Variants in CAND2 observed in about 807,000 individuals in gnomAD.
CAND2 encodes cullin associated and neddylation dissociated 2 (putative).
CAND2 carries 62 observed loss-of-function variants against 98.9 expected under a neutral mutation model. The observed-to-expected ratio is 0.63, with a 90% CI of 0.51 to 0.77. The LOEUF (loss-of-function observed/expected upper bound fraction) is 0.77, where lower values mean the gene tolerates loss of function less well. Among genes scored for constraint, CAND2 ranks in the 30% least tolerant of loss-of-function variants. The pLI is 0.00. For missense variants in CAND2, 1,501 were observed against 1,655.2 expected (o/e 0.91, Z 1.62); for synonymous variants, 770 against 731.9 (o/e 1.05, Z -0.84).
chr3:12,816,340 C>T (rs771253507), intron 9 of CAND2, 34 bp from the exon 10 acceptor site: 45 of 1,569,808 alleles, frequency 2.9e-5, no homozygotes, highest in African/African-American at 5.4e-5. Context: ...GCATCAGAGG[C>T]GGTGGCCTCA....
chr3:12,820,013 A>G (rs995650125), intron 10 of CAND2, 73 bp from the exon 11 acceptor site: 6 of 1,212,674 alleles, frequency 4.9e-6, no homozygotes, highest in Non-Finnish European at 6.1e-6. Flanking sequence ...GGAGGAGCCT[A>G]AGCACCTTCT....
intron 2 of CAND2, among the ~76,000 whole-genome samples, chr3:12,804,466 AAAAC>A (rs565668830): frequency 2.6e-4 from 39 of 152,264 alleles, no homozygotes; most frequent in South Asian, 1.7e-3. Context: ...TTCCATCTCA[AAAAC>A]AAACAAACAA....
intron 10 of CAND2, among the ~76,000 whole-genome samples, chr3:12,818,770 T>G (rs2124859236): frequency 6.6e-6 from 1 of 152,336 alleles, no homozygotes; most frequent in South Asian, 2.1e-4. Flanking sequence ...GGTAGGTTAG[T>G]GATTTCAGTT....
Position 12,809,921 on chromosome 3 carries a change from C to T in CAND2, c.492-138C>T, listed in dbSNP as rs2061836710. On this transcript the variant is annotated intron_variant, in intron 4 of 14. Transcript: ENST00000456430. ...TTAAAATAATTCCTCCTCACAGTTG[C>T]AGGGCACCTCTTTTGCAAGGGCCAT... 5.5e-6 allele frequency: 5 copies of T among 902,920 alleles called. No homozygotes were observed. In the South Asian group the frequency reaches 6.9e-5, roughly 12 times the overall value. The allele number at this position is 902,920 out of a possible 1,614,324, so 55.9% of individuals were successfully genotyped here.
At chr3:12,830,384 A>C (rs1245093570) in intron 13 of CAND2, among the ~76,000 whole-genome samples, 2 of 152,210 alleles carry the variant, frequency 1.3e-5, no homozygotes, top group Non-Finnish European at 2.9e-5. Flanking sequence ...GGGTGTACTC[A>C]GCTTCCATCA....
chr3:12,817,995 AT>A (rs2061923893), intron 10 of CAND2, 119 bp downstream of exon 10: 1 of 949,494 alleles, frequency 1.1e-6, no homozygotes, highest in Non-Finnish European at 1.5e-6. Context: ...GAATCACGGT[AT>A]CTATACGACA....
At chr3:12,818,190 T>A (rs2124858329) in intron 10 of CAND2, among the ~76,000 whole-genome samples, 1 of 151,830 alleles carries the variant, frequency 6.6e-6, no homozygotes, top group African/African-American at 2.4e-5. Context: ...TTGGGGAGGC[T>A]GAGGTGGGTG....
chr3:12,827,672 C>T lies in CAND2; in HGVS notation c.3375+68C>T, dbSNP rs556719542. The T allele has an allele frequency of 4.9e-6, 7 of 1,439,650 alleles. No homozygotes were observed. In the African/African-American group the frequency reaches 9.9e-5, roughly 20 times the overall value. The allele number at this position is 1,439,650 out of a possible 1,614,324, so 89.2% of individuals were successfully genotyped here. A position where few individuals can be genotyped will look rare whatever the true frequency, so the allele number is the denominator to read the frequency against. On this transcript the variant is annotated intron_variant, in intron 13 of 14. Coordinates refer to ENST00000456430, the MANE Select transcript of CAND2 (RefSeq NM_001162499.2). ...AGGGATAGTCGGGCACCATTGGGGC[C>T]ATGCTTGTTTGTCCTTGCTCCCTAC...
rs779913146 is a variant in CAND2, at chr3:12,827,403, C to T, written c.3211-37C>T. On this transcript the variant is annotated intron_variant, in intron 12 of 14. Coordinates refer to ENST00000456430, the MANE Select transcript of CAND2 (RefSeq NM_001162499.2). ...GAAGCTAGAAGAGGTGTCCTTACAC[C>T]CTGGGGCCATATCACCAACCTTCAT... 8.8e-6 allele frequency: 14 copies of T among 1,593,446 alleles called. No individual in the cohort carries two copies. The Admixed American group carries it at 2.4e-4, about 27-fold the overall frequency.
rs1225300085 is a variant in CAND2 at position 12,810,428 on chromosome 3, GC to G, written c.757+106del. 5.1e-5 allele frequency: 58 copies of G among 1,132,700 alleles called. 2 individuals carry two copies. In the South Asian group the frequency reaches 1.1e-3, roughly 22 times the overall value. The allele number at this position is 1,132,700 out of a possible 1,614,324, so 70.2% of individuals were successfully genotyped here. On this transcript the variant is annotated intron_variant, in intron 5 of 14. Transcript: ENST00000456430. ...GAGCTTGGGCCGCAGTGCAGCCAGG[GC>G]CTAAGGGTGGGCCGTCTGCCTTGGT...
At chr3:12,800,923 CT>C (rs1159000494) in intron 1 of CAND2, among the ~76,000 whole-genome samples, 2 of 151,902 alleles carry the variant, frequency 1.3e-5, no homozygotes, top group African/African-American at 4.8e-5. Flanking sequence ...GGGTTTCCCC[CT>C]GTTGGCCAGG....
chr3:12,797,518 TCACAGCATCACAGAAC>T (rs1171042307), intron 1 of CAND2, among the ~76,000 whole-genome samples: 1 of 151,894 alleles, frequency 6.6e-6, no homozygotes, highest in South Asian at 2.1e-4. Flanking sequence ...TTTCCCCCTC[TCACAGCATCACAGAAC>T]CACAGGAATA....
In CAND2 at chr3:12,810,028, G is replaced by A. The variant is rs572813292; in HGVS notation, c.492-31G>A. 22 of 1,386,436 alleles carry A rather than the reference G, an allele frequency of 1.6e-5. No homozygotes were observed. In the South Asian group the frequency reaches 3.5e-4, roughly 22 times the overall value. 85.9% of individuals were successfully genotyped at this position (1,386,436 alleles called of 1,614,324 possible). A position where few individuals can be genotyped will look rare whatever the true frequency, so the allele number is the denominator to read the frequency against. ...CTGGCCCAGGTTGCCCGCGGAGTGC[G>A]ATCGGCCTGATGCCCCCTCGTGCTC... On this transcript the variant is annotated intron_variant, in intron 4 of 14. Coordinates refer to ENST00000456430, the MANE Select transcript of CAND2 (RefSeq NM_001162499.2).
At position 12,833,875 on chromosome 3, in the gene CAND2, G is replaced by A. The variant is rs781648408; in HGVS notation, c.3604G>A (p.Asp1202Asn). 6.1e-5 allele frequency: 98 copies of A among 1,614,076 alleles called. No individual in the cohort carries two copies. Among genetic ancestry groups the A allele is most frequent in the Middle Eastern group, 3.3e-4 (2 of 6,084 alleles). ...GGTGGGGAAAAGCCCCATCATGGCC[G>A]ACTTCTCTTCCCAAATCAGATCCAA... ...PEVGKSPIMADFSSQIRSNPE... is the reference protein window; with the variant it reads ...PEVGKSPIMANFSSQIRSNPE... The change falls in exon 15 of 15, where the codon GAC becomes AAC. Residue 1202 changes from aspartate to asparagine, a missense_variant. Physicochemically the swap from Asp to Asn is conservative, Grantham distance 23. Transcript: ENST00000456430.
Position 12,817,411 on chromosome 3 carries a change from G to T in CAND2, c.2479G>T (p.Val827Phe). The change falls in exon 10 of 15, where the codon GTC (valine) becomes TTC (phenylalanine). Residue 827 changes from valine (V) to phenylalanine (F), a missense_variant. By Grantham distance (50) the Val-to-Phe change is conservative (BLOSUM62 -1). This residue lies in a region of CAND2 where 1,427 missense variants were observed against 1,545.3 expected (regional missense o/e 0.92). Coordinates refer to ENST00000456430, the MANE Select transcript of CAND2 (RefSeq NM_001162499.2). ...QEAASTASRL[V>F]CDARSPHSST... ...GGCGGCAAGCACAGCCAGTCGCCTG[G>T]TCTGCGATGCCAGGTCGCCCCACTC... 1.2e-6 allele frequency: 2 copies of T among 1,613,776 alleles called. No individual in the cohort carries two copies. The highest frequency in any genetic ancestry group is 1.7e-6 in the Non-Finnish European group (2 of 1,180,028).
chr3:12,812,599 T>G (rs1181401715), intron 5 of CAND2, among the ~76,000 whole-genome samples: 1 of 151,536 alleles, frequency 6.6e-6, no homozygotes, highest in Non-Finnish European at 1.5e-5. Context: ...AGAGACGGGG[T>G]TTCACCTTGT....
At chr3:12,823,755 G>T (rs551282734) in intron 11 of CAND2, among the ~76,000 whole-genome samples, 48 of 151,548 alleles carry the variant, frequency 3.2e-4, no homozygotes, top group African/African-American at 1.1e-3. Context: ...AAAAAAACGG[G>T]GTGTGGTGGC....
intron 11 of CAND2, among the ~76,000 whole-genome samples, chr3:12,822,278 T>G (rs1575778127): frequency 6.6e-6 from 1 of 151,268 alleles, no homozygotes; most frequent in South Asian, 2.1e-4. Context: ...GGTTCCTATT[T>G]TTTATTGACA....
intron 11 of CAND2, among the ~76,000 whole-genome samples, chr3:12,822,551 A>G (rs1220345117): frequency 6.6e-6 from 1 of 152,094 alleles, no homozygotes; most frequent in Non-Finnish European, 1.5e-5. Context: ...CACTCACCTT[A>G]GCCTCCCAAA....
Sources: gnomAD v4.1 joint callset for allele counts (sites outside exome capture counted in the v4.1 genomes callset) on GRCh38, gnomAD v4.1.1 for gene constraint, gnomAD v4.1.1 regional missense constraint, MANE v1.5 for transcripts, NCBI Gene and HGNC (gene_info 2026-07-23, HGNC 2026-07-21) for gene names.